The following KCNT2 variants were observed in gnomAD, a reference collection of about 807,000 sequenced individuals.
KCNT2 encodes the protein potassium channel subfamily T member 2.
Under a neutral mutation model 153.8 loss-of-function variants are expected in KCNT2, and 67 were observed. The ratio of observed to expected loss-of-function variants is 0.44; its 90% CI spans 0.36 to 0.53. KCNT2 has a LOEUF of 0.53. KCNT2 is among the 20% of genes least tolerant of loss of function. The pLI is 0.00. For synonymous variants in KCNT2, 500 were observed against 458.8 expected (o/e 1.09, Z -1.15); for missense variants, 975 against 1,354.8 (o/e 0.72, Z 4.40).
chr1:196,393,487 A>G (rs1670657786), intron 13 of KCNT2, among the ~76,000 whole-genome samples: 1 of 151,660 alleles, frequency 6.6e-6, no homozygotes, highest in African/African-American at 2.4e-5. Context: ...GCTGAAATTG[A>G]TTAACTGGAG....
intron 27 of KCNT2, among the ~76,000 whole-genome samples, chr1:196,233,777 A>G (rs1232797343): frequency 6.6e-6 from 1 of 151,502 alleles, no homozygotes; most frequent in Admixed American, 6.6e-5. Context: ...CAGAAAAACA[A>G]CATAGTCAGT....
At chr1:196,551,404 CT>C (rs1250937460) in intron 1 of KCNT2, among the ~76,000 whole-genome samples, 2 of 151,606 alleles carry the variant, frequency 1.3e-5, no homozygotes, top group Non-Finnish European at 3.0e-5. Flanking sequence ...TCTGAGAGAA[CT>C]TTTGTAAAGG....
At chr1:196,350,190 A>G (rs1173270757) in intron 14 of KCNT2, among the ~76,000 whole-genome samples, 2 of 152,174 alleles carry the variant, frequency 1.3e-5, no homozygotes, top group African/African-American at 4.8e-5. Flanking sequence ...TCTTTATAGC[A>G]GCATGATTTA....
rs1447555652 is a variant in KCNT2 at position 196,489,832 on chromosome 1, C to A, written c.275+6G>T. ...TATTGTTGAAGGTCAGAAAAAGGTA[C>A]CTTACCATTCATTTCCTTGTGAAGG... On this transcript the variant is annotated splice_donor_region_variant and intron_variant, in intron 3 of 27. Coordinates refer to ENST00000294725, the MANE Select transcript of KCNT2 (RefSeq NM_198503.5). The A allele has an allele frequency of 7.2e-7, 1 of 1,398,410 alleles. No homozygotes were observed. The highest frequency in any genetic ancestry group is 1.0e-6 in the Non-Finnish European group (1 of 1,004,280). 86.6% of individuals were successfully genotyped at this position (1,398,410 alleles called of 1,614,324 possible). A position where few individuals can be genotyped will look rare whatever the true frequency, so the allele number is the denominator to read the frequency against.
intron 1 of KCNT2, among the ~76,000 whole-genome samples, chr1:196,600,565 G>A (rs762142475): frequency 6.6e-6 from 1 of 152,180 alleles, no homozygotes; most frequent in Non-Finnish European, 1.5e-5. Context: ...GTAAAACATG[G>A]TTATGATGTG....
At chr1:196,576,963 T>C (rs921197647) in intron 1 of KCNT2, among the ~76,000 whole-genome samples, 3 of 152,182 alleles carry the variant, frequency 2.0e-5, no homozygotes, top group Non-Finnish European at 4.4e-5. Flanking sequence ...TTTCCATATT[T>C]GCATAAACAA....
chr1:196,391,812 T>C (rs983056244), intron 13 of KCNT2, among the ~76,000 whole-genome samples: 2 of 151,384 alleles, frequency 1.3e-5, no homozygotes, highest in Admixed American at 6.6e-5. Flanking sequence ...AGAGGGTATA[T>C]AGAACTCTTT....
At chr1:196,475,855 T>C (rs1422568623) in intron 5 of KCNT2, among the ~76,000 whole-genome samples, 1 of 152,180 alleles carries the variant, frequency 6.6e-6, no homozygotes, top group Non-Finnish European at 1.5e-5. Context: ...CTATCTGTTT[T>C]CTCTGTAACA....
At chr1:196,487,692 G>A (rs7511869) in intron 3 of KCNT2, among the ~76,000 whole-genome samples, 149,461 of 152,042 alleles carry the variant, frequency 0.98, 73,511 homozygotes, top group Middle Eastern at 1. Flanking sequence ...TAAAAATTCT[G>A]TTTTCTTCCT....
intron 14 of KCNT2, among the ~76,000 whole-genome samples, chr1:196,353,240 T>C (rs1367748224): frequency 6.6e-6 from 1 of 151,978 alleles, no homozygotes; most frequent in African/African-American, 2.4e-5. Flanking sequence ...AATGAGATAT[T>C]AGTTCCTACT....
chr1:196,378,899 C>G (rs1411723443), intron 13 of KCNT2, among the ~76,000 whole-genome samples: 1 of 149,186 alleles, frequency 6.7e-6, no homozygotes, highest in Non-Finnish European at 1.5e-5. Flanking sequence ...CTACTACCTC[C>G]CCCAGTATTC....
intron 14 of KCNT2, among the ~76,000 whole-genome samples, chr1:196,371,719 T>C (rs960767394): frequency 2.6e-5 from 4 of 152,132 alleles, no homozygotes; most frequent in Non-Finnish European, 5.9e-5. Flanking sequence ...CTAAAATCTT[T>C]TTTTAACTTA....
intron 14 of KCNT2, 165 bp from the exon 15 acceptor site, chr1:196,342,393 G>C (rs1354210655): frequency 3.2e-6 from 1 of 313,236 alleles, no homozygotes; most frequent in African/African-American, 2.5e-5. Context: ...GACATTATAT[G>C]CAAGAGTTTC....
intron 22 of KCNT2, 62 bp downstream of exon 22, chr1:196,305,172 A>G (rs1661512877): frequency 9.4e-6 from 9 of 957,558 alleles, no homozygotes; most frequent in Non-Finnish European, 1.2e-5. Flanking sequence ...TTATATATTT[A>G]CAGAGTTAAT....
At chr1:196,268,796 C>T (rs1219643156) in intron 25 of KCNT2, among the ~76,000 whole-genome samples, 7 of 151,946 alleles carry the variant, frequency 4.6e-5, no homozygotes, top group Non-Finnish European at 8.8e-5. Context: ...AGGAGCCCAT[C>T]TTGCTCTCCC....
At position 196,259,416 on chromosome 1, in the gene KCNT2, T is replaced by C. The variant is rs180878350; in HGVS notation, c.2911-922A>G. Among the ~76,000 whole-genome samples the C allele has an allele frequency of 9.6e-4, 146 of 152,250 alleles. 1 individual carries two copies. The highest frequency in any genetic ancestry group is 3.4e-3 in the African/African-American group (142 of 41,592). On this transcript the variant is annotated intron_variant, in intron 25 of 27. Transcript: ENST00000294725. ...GCAACACTGATCAAAGAAGAAAGTC[T>C]TACTTTCTAAAAACATGCACATGCA...
chr1:196,368,976 C>T (rs1359218180), intron 14 of KCNT2, among the ~76,000 whole-genome samples: 2 of 151,752 alleles, frequency 1.3e-5, no homozygotes, highest in South Asian at 4.1e-4. Flanking sequence ...TCTTTTTTTC[C>T]CCCTCTCTCT....
chr1:196,535,637 G>A lies in KCNT2; in HGVS notation c.96-43296C>T, dbSNP rs540026211. Among the ~76,000 whole-genome samples the A allele has an allele frequency of 4.0e-4, 61 of 152,262 alleles. 1 individual carries two copies. The highest frequency in any genetic ancestry group is 1.2e-3 in the African/African-American group (49 of 41,544). On this transcript the variant is annotated intron_variant, in intron 1 of 27. Coordinates refer to ENST00000294725, the MANE Select transcript of KCNT2 (RefSeq NM_198503.5). ...GTCAGGTTGTTAGGTGCTAAATGAGGTCTGAGGAGAGTTGGTGGGGTGGTG... is the reference window on the plus strand; with the variant it reads ...GTCAGGTTGTTAGGTGCTAAATGAGATCTGAGGAGAGTTGGTGGGGTGGTG...
chr1:196,381,120 T>TA (rs1467116257), intron 13 of KCNT2, among the ~76,000 whole-genome samples: 1 of 152,176 alleles, frequency 6.6e-6, no homozygotes, highest in African/African-American at 2.4e-5. Context: ...ATAACACAAG[T>TA]AAAAAGCACG....
Sources: allele counts gnomAD v4.1 joint callset (sites outside exome capture counted in the v4.1 genomes callset), GRCh38; gene constraint gnomAD v4.1.1; transcripts MANE v1.5; gene names NCBI Gene and HGNC (gene_info 2026-07-23, HGNC 2026-07-21).